ABCC8: variants seen among roughly 807,000 people sequenced by gnomAD.
The protein encoded by ABCC8 is ATP binding cassette subfamily C member 8, also known as ATP-binding cassette sub-family C member 8.
Under a neutral mutation model 188.0 loss-of-function variants are expected in ABCC8, and 137 were observed. That is an observed-to-expected ratio of 0.73 (90% CI 0.63 to 0.84). The LOEUF is 0.84. Among genes scored for constraint, ABCC8 ranks in the 40% least tolerant of loss-of-function variants. The pLI is 0.00. For missense variants in ABCC8, 1,750 were observed against 2,072.7 expected (o/e 0.84, Z 3.02); for synonymous variants, 797 against 846.5 (o/e 0.94, Z 1.01).
At chr11:17,436,232 C>T (rs2133570767) in intron 10 of ABCC8, 3 of 582,378 alleles carry the variant, frequency 5.2e-6, no homozygotes, top group Middle Eastern at 4.7e-4. Context: ...TTTTAAAGGT[C>T]TCTCTGAAGA....
chr11:17,413,321 C>T lies in ABCC8; in HGVS notation c.2475+73G>A, dbSNP rs983726256. The T allele has an allele frequency of 6.3e-6, 10 of 1,587,462 alleles. No homozygotes were observed. The African/African-American group carries it at 1.1e-4, about 17-fold the overall frequency. ...TCCTATTTCCTAGTTACCCATTGTCCTGAGTAGTGTCTCAGGGCATGGTAG... is the reference window on the plus strand; with the variant it reads ...TCCTATTTCCTAGTTACCCATTGTCTTGAGTAGTGTCTCAGGGCATGGTAG... On this transcript the variant is annotated intron_variant, in intron 20 of 38. Coordinates refer to ENST00000389817, the MANE Select transcript of ABCC8 (RefSeq NM_000352.6).
chr11:17,438,691 A>G (rs1242953361), intron 10 of ABCC8, among the ~76,000 whole-genome samples: 2 of 152,334 alleles, frequency 1.3e-5, no homozygotes, highest in East Asian at 3.9e-4. Context: ...CCTTGTCTCC[A>G]GCTTCCTCCC....
intron 22 of ABCC8, among the ~76,000 whole-genome samples, chr11:17,409,496 G>A (rs575845054): frequency 1.8e-4 from 28 of 152,268 alleles, no homozygotes; most frequent in South Asian, 6.2e-4. Flanking sequence ...TTCTGTATCT[G>A]TATATATATT....
intron 21 of ABCC8, among the ~76,000 whole-genome samples, chr11:17,412,017 G>T (rs4757516): frequency 1.3e-5 from 2 of 150,952 alleles, no homozygotes; most frequent in African/African-American, 4.9e-5. Flanking sequence ...CTCAGCCTCC[G>T]GAGTAGCTGG....
In ABCC8 at chr11:17,427,047, A is replaced by T. The variant is rs773917604; in HGVS notation, c.2222+2T>A. 6.2e-7 allele frequency: 1 copy of T among 1,613,824 alleles called. No individual in the cohort carries two copies. The highest frequency in any genetic ancestry group is 8.5e-7 in the Non-Finnish European group (1 of 1,179,866). On this transcript the variant is annotated splice_donor_variant, in intron 16 of 38. Transcript: ENST00000389817. LOFTEE classifies it high-confidence loss of function. The surrounding 1 kb of genome is among the most constrained non-coding windows in gnomAD (Gnocchi z 5.0). ...ACTGGGCCCTGAGGATACATGTATT[A>T]CCTGCTCCAGAAGACAGCCCCTGAG...
chr11:17,405,350 G>C, intron 27 of ABCC8, 144 bp downstream of exon 27: 1 of 1,315,980 alleles, frequency 7.6e-7, no homozygotes, highest in Non-Finnish European at 1.1e-6. Context: ...CCCTGAAGCA[G>C]CATTATAATC....
intron 7 of ABCC8, among the ~76,000 whole-genome samples, chr11:17,450,248 CT>C (rs1229779086): frequency 3.8e-5 from 2 of 52,080 alleles, no homozygotes; most frequent in African/African-American, 2.0e-4. Context: ...TTTTCTTTTT[CT>C]TTCTTTCTTT....
chr11:17,413,289 C>T, intron 20 of ABCC8, 105 bp downstream of exon 20: 1 of 1,525,232 alleles, frequency 6.6e-7, no homozygotes, highest in Non-Finnish European at 9.1e-7. Context: ...CTTCAGCCTT[C>T]AATGTCTCCT....
chr11:17,436,881 G>A (rs1291636497), intron 10 of ABCC8, among the ~76,000 whole-genome samples: 2 of 152,120 alleles, frequency 1.3e-5, no homozygotes, highest in African/African-American at 4.8e-5. Flanking sequence ...CTGAGGTCAG[G>A]AGTTTGAGAC....
intron 29 of ABCC8, among the ~76,000 whole-genome samples, chr11:17,402,278 T>C (rs1258678334): frequency 2.6e-5 from 4 of 152,266 alleles, no homozygotes; most frequent in East Asian, 1.9e-4. Context: ...ATGAGTGGGA[T>C]TGGCCTGTAC....
chr11:17,435,049 G>A (rs2133565423), intron 10 of ABCC8, among the ~76,000 whole-genome samples: 1 of 150,934 alleles, frequency 6.6e-6, no homozygotes, highest in East Asian at 1.9e-4. Flanking sequence ...CCTTTAATAT[G>A]TTCAATGATA....
intron 8 of ABCC8, among the ~76,000 whole-genome samples, chr11:17,443,607 A>T (rs1380345490): frequency 2.6e-5 from 4 of 152,200 alleles, no homozygotes; most frequent in East Asian, 3.8e-4. Context: ...TCCAGATGGA[A>T]ATCTCAGAGA....
chr11:17,467,042 C>CCACACACACACACACACACA (rs569546580), intron 3 of ABCC8, among the ~76,000 whole-genome samples: 64 of 132,382 alleles, frequency 4.8e-4, no homozygotes, highest in South Asian at 8.2e-4. Context: ...ACATGTTAAA[C>CCACACACACACACACACACA]CACACACACA....
intron 3 of ABCC8, among the ~76,000 whole-genome samples, chr11:17,468,012 C>G (rs1018492275): frequency 1.0e-5 from 1 of 96,580 alleles, no homozygotes; most frequent in East Asian, 2.5e-4. Flanking sequence ...TCAGCCAGGC[C>G]CTGGTTAATG....
intron 17 of ABCC8, 172 bp from the exon 18 acceptor site, chr11:17,415,511 T>C (rs570623371): frequency 8.7e-4 from 826 of 944,114 alleles, no homozygotes; most frequent in Admixed American, 4.4e-3. Context: ...TGTGCCCATC[T>C]TGGGGAAGCC....
intron 10 of ABCC8, among the ~76,000 whole-genome samples, chr11:17,436,977 G>A (rs1220859571): frequency 6.6e-6 from 1 of 150,474 alleles, no homozygotes; most frequent in Non-Finnish European, 1.5e-5. Context: ...TGTAATCCTA[G>A]CTACTCGAGA....
intron 7 of ABCC8, among the ~76,000 whole-genome samples, chr11:17,452,713 C>T (rs1024118930): frequency 1.3e-5 from 2 of 152,204 alleles, no homozygotes; most frequent in African/African-American, 4.8e-5. Flanking sequence ...ATGTCAAGCA[C>T]ATTCCTTTTT....
At chr11:17,432,779 T>C (rs1273293448) in intron 10 of ABCC8, among the ~76,000 whole-genome samples, 1 of 152,046 alleles carries the variant, frequency 6.6e-6, no homozygotes, top group Admixed American at 6.6e-5. Flanking sequence ...GCGGGTGGGG[T>C]AGCTGGTTTG....
chr11:17,461,532 A>ACC, intron 5 of ABCC8, 51 bp downstream of exon 5: 1 of 1,611,156 alleles, frequency 6.2e-7, no homozygotes, highest in Non-Finnish European at 8.5e-7. Flanking sequence ...CCTCTCTGTG[A>ACC]CCCTAAACCA....
Sources: allele counts gnomAD v4.1 joint callset (sites outside exome capture counted in the v4.1 genomes callset), GRCh38; gene constraint gnomAD v4.1.1; non-coding constraint Gnocchi (gnomAD v3.1); transcripts MANE v1.5; gene names NCBI Gene and HGNC (gene_info 2026-07-23, HGNC 2026-07-21).